UNC13C: variants seen among roughly 807,000 people sequenced by gnomAD.
UNC13C encodes unc-13 homolog C.
A neutral mutation model predicts 245.4 loss-of-function variants in UNC13C; 174 were observed. The observed-to-expected ratio is 0.71, with a 90% CI of 0.63 to 0.80. UNC13C has a LOEUF of 0.80. Ranked by LOEUF, UNC13C falls within the 30% of genes least tolerant of loss-of-function variation. UNC13C has a pLI of 0.00. For missense variants in UNC13C, 2,829 were observed against 2,602.9 expected (o/e 1.09, Z -1.89); for synonymous variants, 992 against 895.1 (o/e 1.11, Z -1.93).
chr15:54,623,750 T>A (rs1247448184), intron 31 of UNC13C, 45 bp from the exon 32 acceptor site: 1 of 1,552,908 alleles, frequency 6.4e-7, no homozygotes, highest in Non-Finnish European at 8.7e-7. Flanking sequence ...CACTCTAAAT[T>A]TCCACACATC....
At position 54,455,195 on chromosome 15, in the gene UNC13C, CT is replaced by C. The variant is rs1567288871; in HGVS notation, c.4934-39412del. On this transcript the variant is annotated intron_variant, in intron 19 of 32. Transcript: ENST00000260323. ...TCTCTCTCTCTCTCTCTCTCTCTCT[CT>C]CTCTCTCTCTATATATATATATATA... 5.8e-4 allele frequency among the ~76,000 whole-genome samples: 27 copies of C among 46,698 alleles called. 1 individual carries two copies. The highest frequency in any genetic ancestry group is 1.9e-3 in the African/African-American group (27 of 14,036). 30.6% of individuals were successfully genotyped at this position (46,698 alleles called of 152,430 possible).
intron 2 of UNC13C, among the ~76,000 whole-genome samples, chr15:54,128,289 A>G (rs1253826524): frequency 6.6e-6 from 1 of 152,244 alleles, no homozygotes; most frequent in African/African-American, 2.4e-5. Flanking sequence ...AAAACATTCT[A>G]TGCTCACAGA....
chr15:54,524,990 C>A (rs1452845040), intron 24 of UNC13C, among the ~76,000 whole-genome samples: 1 of 152,154 alleles, frequency 6.6e-6, no homozygotes, highest in Non-Finnish European at 1.5e-5. Context: ...AAAGTCAGGA[C>A]TATCGTCTCC....
chr15:54,492,494 T>C (rs1282472704), intron 19 of UNC13C, among the ~76,000 whole-genome samples: 2 of 152,222 alleles, frequency 1.3e-5, no homozygotes, highest in East Asian at 3.9e-4. Flanking sequence ...TATATTAACA[T>C]AGAAATTTAC....
At chr15:54,027,135 A>G (rs1456293896) in intron 2 of UNC13C, among the ~76,000 whole-genome samples, 2 of 151,460 alleles carry the variant, frequency 1.3e-5, no homozygotes, top group African/African-American at 4.8e-5. Context: ...GCCACGTTCT[A>G]TAGGCAGGAA....
chr15:53,981,755 G>A (rs1174660870), intron 1 of UNC13C, among the ~76,000 whole-genome samples: 1 of 152,094 alleles, frequency 6.6e-6, no homozygotes, highest in Non-Finnish European at 1.5e-5. Context: ...AGTCTTTTAA[G>A]GCATAGGAAG....
intron 18 of UNC13C, among the ~76,000 whole-genome samples, chr15:54,396,619 G>T (rs1194023649): frequency 6.6e-6 from 1 of 151,336 alleles, no homozygotes; most frequent in Non-Finnish European, 1.5e-5. Flanking sequence ...ATTGAGTTAC[G>T]TGGTAAGTAT....
Position 54,256,727 on chromosome 15 carries a change from CG to C in UNC13C, c.3448+6285del, listed in dbSNP as rs557634812. Reference sequence around the variant, plus strand: ...TAAAGATAGAGTTTGGTACTATCTGCGGTTTCAGGTATTCCTGAAGGCTTTG... The same window carrying C: ...TAAAGATAGAGTTTGGTACTATCTGCGTTTCAGGTATTCCTGAAGGCTTTG... On this transcript the variant is annotated intron_variant, in intron 8 of 32. Coordinates refer to ENST00000260323, the MANE Select transcript of UNC13C (RefSeq NM_001080534.3). 1.4e-4 allele frequency among the ~76,000 whole-genome samples: 22 copies of C among 152,210 alleles called. 2 individuals carry two copies. In the South Asian group the frequency reaches 4.4e-3, roughly 30 times the overall value.
intron 19 of UNC13C, among the ~76,000 whole-genome samples, chr15:54,440,801 T>G (rs562199533): frequency 4.6e-5 from 7 of 152,178 alleles, no homozygotes; most frequent in African/African-American, 1.7e-4. Flanking sequence ...CCCTTTTCTC[T>G]GTAACCCTGC....
intron 17 of UNC13C, among the ~76,000 whole-genome samples, chr15:54,342,529 C>A (rs1386576446): frequency 6.6e-6 from 1 of 151,400 alleles, no homozygotes; most frequent in Non-Finnish European, 1.5e-5. Flanking sequence ...CCACTGCATT[C>A]CAGCCTTGGT....
chr15:53,838,427 T>C, the UNC13C span, among the ~76,000 whole-genome samples: 1 of 152,028 alleles, frequency 6.6e-6, no homozygotes, highest in Non-Finnish European at 1.5e-5. Context: ...CCATAGATTT[T>C]TATGGATATG....
At chr15:53,908,264 C>T in the UNC13C span, among the ~76,000 whole-genome samples, 2 of 146,058 alleles carry the variant, frequency 1.4e-5, no homozygotes, top group African/African-American at 2.4e-5. Flanking sequence ...TATTTTTACC[C>T]TAGCAAACTT....
chr15:54,371,388 A>G (rs1272179591), intron 17 of UNC13C, among the ~76,000 whole-genome samples: 4 of 152,134 alleles, frequency 2.6e-5, no homozygotes, highest in Non-Finnish European at 4.4e-5. Context: ...GTCCAATTAA[A>G]CACATACACT....
chr15:53,850,537 C>G, the UNC13C span, among the ~76,000 whole-genome samples: 493 of 152,210 alleles, frequency 3.2e-3, 3 homozygotes, highest in African/African-American at 0.012. Flanking sequence ...ATGTATATTT[C>G]TGATACGAAT....
chr15:54,123,402 T>C (rs1370831705), intron 2 of UNC13C, among the ~76,000 whole-genome samples: 2 of 151,436 alleles, frequency 1.3e-5, no homozygotes, highest in African/African-American at 4.8e-5. Context: ...ATGGATAATA[T>C]AAATTATTTT....
chr15:54,474,598 A>C (rs1297598747), intron 19 of UNC13C, among the ~76,000 whole-genome samples: 1 of 151,976 alleles, frequency 6.6e-6, no homozygotes, highest in Non-Finnish European at 1.5e-5. Flanking sequence ...TTTTTGTCAG[A>C]TGAATAGTTT....
rs556912982 is a variant in UNC13C at position 54,419,137 on chromosome 15, C to T, written c.4933+4070C>T. ...TTGTAATGCTATTATTTAGGTACAC[C>T]TTTGACCATCTACTAAATCACTTTG... On this transcript the variant is annotated intron_variant, in intron 19 of 32. Coordinates refer to ENST00000260323, the MANE Select transcript of UNC13C (RefSeq NM_001080534.3). 1.1e-4 allele frequency among the ~76,000 whole-genome samples: 16 copies of T among 152,198 alleles called. No homozygotes were observed. In the South Asian group the frequency reaches 3.1e-3, roughly 30 times the overall value.
At chr15:54,524,661 C>A (rs1259666538) in intron 24 of UNC13C, among the ~76,000 whole-genome samples, 1 of 152,126 alleles carries the variant, frequency 6.6e-6, no homozygotes, top group Non-Finnish European at 1.5e-5. Flanking sequence ...TCTGTATCGG[C>A]TCCCAGGAGT....
intron 23 of UNC13C, among the ~76,000 whole-genome samples, chr15:54,509,982 T>G (rs999532110): frequency 1.3e-5 from 2 of 152,212 alleles, no homozygotes; most frequent in Admixed American, 1.3e-4. Context: ...AAACTGTCCA[T>G]GTTCATTTTG....
Sources: gnomAD v4.1 joint callset for allele counts (sites outside exome capture counted in the v4.1 genomes callset) on GRCh38, gnomAD v4.1.1 for gene constraint, MANE v1.5 for transcripts, NCBI Gene and HGNC (gene_info 2026-07-23, HGNC 2026-07-21) for gene names.